Variants in GPC5 observed in about 807,000 individuals in gnomAD.
GPC5 encodes the protein glypican 5.
In GPC5, 47 loss-of-function variants were observed where a neutral mutation model predicts 53.9. The observed-to-expected ratio is 0.87, with a 90% CI of 0.69 to 1.11. The LOEUF (loss-of-function observed/expected upper bound fraction) is 1.11. Ranked by LOEUF, GPC5 falls within the 50% of genes most tolerant of loss-of-function variation. The probability of loss-of-function intolerance (pLI) is 0.00; values close to 1 mark genes in which losing one functional copy is unlikely to be tolerated. For missense variants in GPC5, 748 were observed against 713.1 expected (o/e 1.05, Z -0.56); for synonymous variants, 286 against 263.3 (o/e 1.09, Z -0.84).
At position 92,729,953 on chromosome 13, in the gene GPC5, T is replaced by C. The variant is rs972532322; in HGVS notation, c.1562-136329T>C. 2.0e-5 allele frequency among the ~76,000 whole-genome samples: 3 copies of C among 151,432 alleles called. No individual in the cohort carries two copies. The Admixed American group carries it at 2.0e-4, about 10-fold the overall frequency. ...CATTTTATGTACAGCTTAGCTAGGA[T>C]CTACATTGTTAAGTATGCTAGAGGG... On this transcript the variant is annotated intron_variant, in intron 7 of 7. Transcript: ENST00000377067.
chr13:91,521,256 T>C (rs1885801581), intron 2 of GPC5, among the ~76,000 whole-genome samples: 1 of 152,226 alleles, frequency 6.6e-6, no homozygotes, highest in African/African-American at 2.4e-5. Flanking sequence ...AAATGTAATG[T>C]AAAACACCAT....
At chr13:92,716,960 A>G (rs1218073035) in intron 7 of GPC5, among the ~76,000 whole-genome samples, 1 of 152,150 alleles carries the variant, frequency 6.6e-6, no homozygotes, top group African/African-American at 2.4e-5. Flanking sequence ...CTATTTTCCA[A>G]GTGAGGATAC....
chr13:91,953,447 T>C (rs1260030550), intron 6 of GPC5, among the ~76,000 whole-genome samples: 2 of 152,068 alleles, frequency 1.3e-5, no homozygotes, highest in East Asian at 1.9e-4. Context: ...CTACCGAGTA[T>C]GTACAAACCA....
intron 7 of GPC5, among the ~76,000 whole-genome samples, chr13:92,684,493 A>T (rs1887200234): frequency 6.6e-6 from 1 of 151,432 alleles, no homozygotes; most frequent in South Asian, 2.1e-4. Flanking sequence ...CAGGTCTCGA[A>T]CTCCTGACCT....
At chr13:92,353,435 G>A (rs1566552805) in intron 7 of GPC5, among the ~76,000 whole-genome samples, 2 of 152,086 alleles carry the variant, frequency 1.3e-5, no homozygotes, top group Non-Finnish European at 2.9e-5. Context: ...CATGCATCAT[G>A]AAATCTTTCA....
chr13:92,051,238 T>C (rs1178531505), intron 6 of GPC5, among the ~76,000 whole-genome samples: 4 of 144,506 alleles, frequency 2.8e-5, no homozygotes, highest in Non-Finnish European at 6.0e-5. Flanking sequence ...AGTCTCGCTC[T>C]GTCACCAGGC....
chr13:92,767,920 T>G (rs1256782699), intron 7 of GPC5, among the ~76,000 whole-genome samples: 1 of 152,192 alleles, frequency 6.6e-6, no homozygotes, highest in Non-Finnish European at 1.5e-5. Context: ...ATTTTTAAAT[T>G]TTTATGGAAT....
intron 7 of GPC5, among the ~76,000 whole-genome samples, chr13:92,415,461 G>A (rs1245905716): frequency 1.3e-5 from 2 of 151,786 alleles, no homozygotes; most frequent in African/African-American, 4.8e-5. Context: ...AAGTGAAGGA[G>A]TTTAGGAATT....
chr13:92,290,713 T>C (rs889560508), intron 7 of GPC5, among the ~76,000 whole-genome samples: 1 of 152,156 alleles, frequency 6.6e-6, no homozygotes, highest in Non-Finnish European at 1.5e-5. Flanking sequence ...ACATGAGAGG[T>C]GACAGCGTGC....
At chr13:92,516,824 AGTGG>A (rs1880803069) in intron 7 of GPC5, among the ~76,000 whole-genome samples, 1 of 152,124 alleles carries the variant, frequency 6.6e-6, no homozygotes, top group African/African-American at 2.4e-5. Flanking sequence ...TTCATCGGAC[AGTGG>A]GGGCAGGACA....
chr13:91,812,759 T>C (rs2038333592), intron 5 of GPC5, among the ~76,000 whole-genome samples: 1 of 152,200 alleles, frequency 6.6e-6, no homozygotes, highest in Non-Finnish European at 1.5e-5. Flanking sequence ...GCTTTCTCAA[T>C]TTCTGTTAAT....
intron 7 of GPC5, among the ~76,000 whole-genome samples, chr13:92,384,357 C>A (rs549118365): frequency 3.9e-5 from 6 of 152,186 alleles, no homozygotes; most frequent in African/African-American, 1.4e-4. Flanking sequence ...GCACAGAACT[C>A]ATTTGTTCTT....
At chr13:92,291,153 C>G (rs534785364) in intron 7 of GPC5, among the ~76,000 whole-genome samples, 1 of 152,128 alleles carries the variant, frequency 6.6e-6, no homozygotes, top group African/African-American at 2.4e-5. Flanking sequence ...CCTGTGCGGC[C>G]GGAGCCTCCC....
intron 5 of GPC5, among the ~76,000 whole-genome samples, chr13:91,834,502 A>G: frequency 6.6e-6 from 1 of 152,152 alleles, no homozygotes; most frequent in Middle Eastern, 3.2e-3. Flanking sequence ...ACTATACTAC[A>G]AAGCTACAGT....
At chr13:91,645,202 G>A (rs773502963) in intron 2 of GPC5, among the ~76,000 whole-genome samples, 1 of 152,158 alleles carries the variant, frequency 6.6e-6, no homozygotes, top group Non-Finnish European at 1.5e-5. Flanking sequence ...TTTCTCCTGT[G>A]AGTTTAGTTC....
At chr13:92,559,592 T>C (rs1224112867) in intron 7 of GPC5, among the ~76,000 whole-genome samples, 1 of 151,666 alleles carries the variant, frequency 6.6e-6, no homozygotes, top group Non-Finnish European at 1.5e-5. Flanking sequence ...TTTGCTTGAA[T>C]CATCCCAGGG....
At chr13:92,748,029 G>T (rs1351216945) in intron 7 of GPC5, among the ~76,000 whole-genome samples, 1 of 152,054 alleles carries the variant, frequency 6.6e-6, no homozygotes, top group Non-Finnish European at 1.5e-5. Context: ...ATGGCCTGAG[G>T]TAGTCTGTGA....
At chr13:92,380,757 GT>G (rs1477581534) in intron 7 of GPC5, among the ~76,000 whole-genome samples, 4 of 125,876 alleles carry the variant, frequency 3.2e-5, no homozygotes, top group Non-Finnish European at 6.5e-5. Flanking sequence ...GGGGACTGTT[GT>G]GGGGTGGGGG....
chr13:91,536,864 A>T (rs571522384), intron 2 of GPC5, among the ~76,000 whole-genome samples: 120 of 152,344 alleles, frequency 7.9e-4, no homozygotes, highest in African/African-American at 2.8e-3. Context: ...CTCTGATCAC[A>T]ACATACTGAA....
Sources: allele counts gnomAD v4.1 joint callset (sites outside exome capture counted in the v4.1 genomes callset), GRCh38; gene constraint gnomAD v4.1.1; transcripts MANE v1.5; gene names NCBI Gene and HGNC (gene_info 2026-07-23, HGNC 2026-07-21).